CNKSR2: variants seen among roughly 807,000 people sequenced by gnomAD.
CNKSR2 encodes CNK homolog protein 2.
Under a neutral mutation model 84.4 loss-of-function variants are expected in CNKSR2, and 14 were observed. The ratio of observed to expected loss-of-function variants is 0.17; its 90% confidence interval spans 0.11 to 0.26. The LOEUF (loss-of-function observed/expected upper bound fraction) is 0.26. CNKSR2 is among the 10% of genes least tolerant of loss of function. The pLI, the probability that CNKSR2 is intolerant of heterozygous loss-of-function variation, is 1.00. For synonymous variants in CNKSR2, 275 were observed against 277.9 expected, an observed-to-expected ratio of 0.99 and a Z score of 0.10; for missense variants, 485 against 771.2, an observed-to-expected ratio of 0.63 and a Z score of 4.40.
At chrX:21,466,990 A>G (rs921469849) in intron 4 of CNKSR2, among the ~76,000 whole-genome samples, 4 of 111,958 alleles carry the variant, frequency 3.6e-5, no homozygotes, top group African/African-American at 1.3e-4. Flanking sequence ...AACAAGTAGA[A>G]GCAACTGTTC....
chrX:21,497,162 C>T (rs2091508378), intron 6 of CNKSR2, among the ~76,000 whole-genome samples: 1 of 110,607 alleles, frequency 9.0e-6, no homozygotes, highest in African/African-American at 3.3e-5. Context: ...GAATCTTGTC[C>T]TTTTTACTGG....
intron 13 of CNKSR2, 47 bp from the exon 14 acceptor site, chrX:21,590,525 A>C: frequency 8.7e-7 from 1 of 1,146,026 alleles, no homozygotes; most frequent in Non-Finnish European, 1.2e-6. Flanking sequence ...GGTGCTCTGG[A>C]TCACACCCTG....
intron 13 of CNKSR2, among the ~76,000 whole-genome samples, chrX:21,574,256 T>C (rs936331818): frequency 2.7e-5 from 3 of 111,982 alleles, no homozygotes; most frequent in Admixed American, 9.4e-5. Flanking sequence ...TTCCGAGTCT[T>C]CTAAACTGTT....
At chrX:21,477,162 C>T (rs1443328933) in intron 5 of CNKSR2, among the ~76,000 whole-genome samples, 2 of 111,694 alleles carry the variant, frequency 1.8e-5, no homozygotes, top group Non-Finnish European at 3.8e-5. Context: ...CCAGGCCAGG[C>T]GTAATCATTA....
chrX:21,502,445 CAG>C (rs2091568804), intron 8 of CNKSR2, among the ~76,000 whole-genome samples: 1 of 108,636 alleles, frequency 9.2e-6, no homozygotes, highest in Admixed American at 9.8e-5. Flanking sequence ...TGAAAAAAGG[CAG>C]AGTTTTTATT....
Position 21,457,110 on chromosome X carries a change from T to C in CNKSR2, c.520-13656T>C, listed in dbSNP as rs139072340. On this transcript the variant is annotated intron_variant, in intron 4 of 21. Coordinates refer to ENST00000379510, the MANE Select transcript of CNKSR2 (RefSeq NM_014927.5). ...AGTTGTGTGGGTTCCTTACATATTT[T>C]GGATATTAACCCCTTATTGGATACA... 9.6e-3 allele frequency among the ~76,000 whole-genome samples: 1,070 copies of C among 111,606 alleles called. 13 individuals are homozygous for C. The highest frequency in any genetic ancestry group is 0.031 in the African/African-American group (967 of 30,782).
At chrX:21,447,281 AAGTGTAATTACTAGG>A (rs1223976893) in intron 4 of CNKSR2, among the ~76,000 whole-genome samples, 1 of 111,528 alleles carries the variant, frequency 9.0e-6, no homozygotes, top group Non-Finnish European at 1.9e-5. Context: ...ACCTACATTT[AAGTGTAATTACTAGG>A]AGTGTAATTA....
intron 3 of CNKSR2, among the ~76,000 whole-genome samples, chrX:21,435,599 T>C (rs2090692792): frequency 9.0e-6 from 1 of 111,694 alleles, no homozygotes; most frequent in Admixed American, 9.5e-5. Context: ...TCACAGTTGG[T>C]AGCTTTACTG....
chrX:21,499,498 G>T (rs2091537059), intron 7 of CNKSR2, among the ~76,000 whole-genome samples: 1 of 110,845 alleles, frequency 9.0e-6, no homozygotes, highest in Non-Finnish European at 1.9e-5. Context: ...ATTGTCTCAG[G>T]TCTGCAAAAA....
At chrX:21,553,165 A>C (rs2092108739) in intron 11 of CNKSR2, among the ~76,000 whole-genome samples, 2 of 111,549 alleles carry the variant, frequency 1.8e-5, no homozygotes, top group Non-Finnish European at 3.8e-5. Flanking sequence ...AACAAACAAA[A>C]AAAAACTAAT....
chrX:21,392,716 A>C (rs1449653265), intron 1 of CNKSR2, among the ~76,000 whole-genome samples: 2 of 111,321 alleles, frequency 1.8e-5, no homozygotes, highest in Non-Finnish European at 3.8e-5. Flanking sequence ...AATATAACTC[A>C]AAGACCTTTT....
At chrX:21,580,010 C>T (rs1275635102) in intron 13 of CNKSR2, among the ~76,000 whole-genome samples, 2 of 111,929 alleles carry the variant, frequency 1.8e-5, no homozygotes, top group African/African-American at 6.5e-5. Flanking sequence ...ATGAAAAATG[C>T]CATCTAAATT....
At chrX:21,494,967 T>C (rs1302202907) in intron 6 of CNKSR2, 3 of 112,130 alleles carry the variant, frequency 2.7e-5, no homozygotes, top group Non-Finnish European at 5.6e-5. Context: ...AGATGGGTAA[T>C]TGAAATGAAT....
chrX:21,516,413 T>C, intron 8 of CNKSR2, 72 bp from the exon 9 acceptor site: 1 of 1,047,566 alleles, frequency 9.5e-7, no homozygotes, highest in Non-Finnish European at 1.3e-6. Flanking sequence ...ACTAATCTTA[T>C]TAAAGGGGGA....
intron 10 of CNKSR2, among the ~76,000 whole-genome samples, chrX:21,527,226 T>G (rs1263669549): frequency 1.8e-5 from 2 of 110,353 alleles, no homozygotes; most frequent in Admixed American, 9.8e-5. Context: ...TAATTTATAC[T>G]ATCTCATAAT....
intron 21 of CNKSR2, 71 bp from the exon 22 acceptor site, chrX:21,652,235 A>G (rs2092722610): frequency 1.1e-6 from 1 of 926,944 alleles, no homozygotes; most frequent in Non-Finnish European, 1.5e-6. Context: ...TGTTTTGCCT[A>G]TTAACTTTTT....
At chrX:21,553,728 C>G (rs1293363562) in intron 11 of CNKSR2, among the ~76,000 whole-genome samples, 2 of 111,379 alleles carry the variant, frequency 1.8e-5, no homozygotes, top group African/African-American at 3.3e-5. Context: ...GAGTGACTGT[C>G]TTCCATATGC....
In CNKSR2 at chrX:21,559,255, A is replaced by G. The variant is rs147753358; in HGVS notation, c.1304-2216A>G. Reference sequence around the variant, plus strand: ...ATTGCAAAGGACAAAGAATATTATGAAAGTTAGGTTCAGAACAGACAGTAC... The same window carrying G: ...ATTGCAAAGGACAAAGAATATTATGGAAGTTAGGTTCAGAACAGACAGTAC... On this transcript the variant is annotated intron_variant, in intron 11 of 21. Coordinates refer to ENST00000379510, the MANE Select transcript of CNKSR2 (RefSeq NM_014927.5). Among the ~76,000 whole-genome samples the G allele has an allele frequency of 6.9e-3, 759 of 110,532 alleles. 12 individuals are homozygous for G. Among genetic ancestry groups the G allele is most frequent in the African/African-American group, 0.023 (714 of 30,466 alleles).
chrX:21,497,707 T>A (rs1180374573), intron 6 of CNKSR2, 80 bp from the exon 7 acceptor site: 1 of 530,134 alleles, frequency 1.9e-6, no homozygotes. Context: ...TAGAGTAATT[T>A]TTTATATAAA....
Sources: gnomAD v4.1 joint callset for allele counts (sites outside exome capture counted in the v4.1 genomes callset) on GRCh38, gnomAD v4.1.1 for gene constraint, MANE v1.5 for transcripts, NCBI Gene and HGNC (gene_info 2026-07-23, HGNC 2026-07-21) for gene names.